The following TNR variants were observed in gnomAD, a reference collection of about 807,000 sequenced individuals.
TNR encodes tenascin R.
In TNR, 45 loss-of-function variants were observed where a neutral mutation model predicts 150.4. That is an observed-to-expected ratio of 0.30 (90% CI 0.24 to 0.38). TNR has a LOEUF of 0.38. Among genes scored for constraint, TNR ranks in the 10% least tolerant of loss-of-function variants. The probability of loss-of-function intolerance (pLI) is 1.00; values close to 1 mark genes in which losing one functional copy is unlikely to be tolerated. For missense variants in TNR, 1,544 were observed against 1,759.1 expected, an observed-to-expected ratio of 0.88 and a Z score of 2.19; for synonymous variants, 687 against 678.4, an observed-to-expected ratio of 1.01 and a Z score of -0.20.
rs560304594 is a variant in TNR, at chr1:175,379,726, G to A, written c.1789C>T (p.Pro597Ser). The change falls in exon 9 of 23, where the codon CCC becomes TCC. Residue 597 changes from proline (P) to serine (S), a missense_variant. Transcript: ENST00000367674. Reference protein sequence around the residue: ...TTQFTTEIDAPKNLRVGSRTA... With the variant: ...TTQFTTEIDASKNLRVGSRTA... ...CGAGAACCAACTCGCAAGTTCTTGGGGGCATCGATCTCTAAAAATAGACAG... is the reference window on the plus strand; with the variant it reads ...CGAGAACCAACTCGCAAGTTCTTGGAGGCATCGATCTCTAAAAATAGACAG... 1 of 1,614,090 alleles carries A rather than the reference G, an allele frequency of 6.2e-7. No individual in the cohort carries two copies. The highest frequency in any genetic ancestry group is 1.3e-5 in the African/African-American group (1 of 75,018).
At chr1:175,379,179 CAA>C (rs148710947) in intron 9 of TNR, among the ~76,000 whole-genome samples, 7,808 of 113,506 alleles carry the variant, frequency 0.069, 164 homozygotes, top group South Asian at 0.096. Context: ...AACTCCGTCT[CAA>C]AAAAAAAAAA....
intron 1 of TNR, among the ~76,000 whole-genome samples, chr1:175,677,057 A>G (rs1665886103): frequency 6.6e-6 from 1 of 152,208 alleles, no homozygotes; most frequent in Non-Finnish European, 1.5e-5. Context: ...AGTGTATGCA[A>G]TCCCAGGGGA....
chr1:175,483,704 C>T lies in TNR; in HGVS notation c.-64+44565G>A, dbSNP rs1336680739. On this transcript the variant is annotated intron_variant, in intron 2 of 22. Transcript: ENST00000367674. ...GGTTAGAGATGAGTTATCAGGATGT[C>T]GGGCCTTGAAGGGCTCAAAACCAAA... Among the ~76,000 whole-genome samples, 8 of 152,156 alleles carry T rather than the reference C, an allele frequency of 5.3e-5. No homozygotes were observed. In the East Asian group the frequency reaches 5.8e-4, roughly 11 times the overall value.
chr1:175,397,017 C>T (rs539551026), intron 4 of TNR, among the ~76,000 whole-genome samples: 4 of 152,318 alleles, frequency 2.6e-5, no homozygotes, highest in African/African-American at 9.6e-5. Context: ...CATGAACATG[C>T]ACTGGAGCCA....
chr1:175,645,931 G>C (rs1388674738), intron 1 of TNR, among the ~76,000 whole-genome samples: 1 of 150,608 alleles, frequency 6.6e-6, no homozygotes, highest in Admixed American at 6.6e-5. Flanking sequence ...GACAAAGCCG[G>C]TATTTTTTAC....
At chr1:175,427,184 A>C (rs895423959) in intron 2 of TNR, among the ~76,000 whole-genome samples, 6 of 151,544 alleles carry the variant, frequency 4.0e-5, no homozygotes, top group African/African-American at 9.7e-5. Flanking sequence ...TTCATGACCC[A>C]CCAAGACATA....
At chr1:175,734,918 A>G (rs1183392888) in intron 1 of TNR, among the ~76,000 whole-genome samples, 1 of 152,240 alleles carries the variant, frequency 6.6e-6, no homozygotes, top group Non-Finnish European at 1.5e-5. Flanking sequence ...GAAGCCCTGT[A>G]TTGATCTGCA....
intron 1 of TNR, among the ~76,000 whole-genome samples, chr1:175,531,628 A>T (rs1660070814): frequency 6.6e-6 from 1 of 152,220 alleles, no homozygotes; most frequent in Non-Finnish European, 1.5e-5. Flanking sequence ...ACTCTCCAGC[A>T]GCTTCAGTAA....
At chr1:175,658,607 T>C (rs1571723253) in intron 1 of TNR, among the ~76,000 whole-genome samples, 1 of 152,190 alleles carries the variant, frequency 6.6e-6, no homozygotes, top group Non-Finnish European at 1.5e-5. Flanking sequence ...GGCTAGAACA[T>C]TTTCAGAGCT....
intron 2 of TNR, among the ~76,000 whole-genome samples, chr1:175,408,923 G>A (rs1290900063): frequency 6.6e-6 from 1 of 152,166 alleles, no homozygotes; most frequent in Non-Finnish European, 1.5e-5. Context: ...CCAAAGATGG[G>A]TGAGATCCTT....
chr1:175,547,763 T>C (rs1660770804), intron 1 of TNR, among the ~76,000 whole-genome samples: 1 of 152,106 alleles, frequency 6.6e-6, no homozygotes. Context: ...CACCAAAGTG[T>C]GACAGTGCAG....
intron 2 of TNR, among the ~76,000 whole-genome samples, chr1:175,438,821 T>C (rs1422677992): frequency 6.6e-6 from 1 of 152,152 alleles, no homozygotes; most frequent in Non-Finnish European, 1.5e-5. Flanking sequence ...TTACAAGGGA[T>C]GTGAAGGACT....
chr1:175,389,736 G>T (rs1430881365), intron 7 of TNR, among the ~76,000 whole-genome samples: 1 of 152,146 alleles, frequency 6.6e-6, no homozygotes, highest in Non-Finnish European at 1.5e-5. Flanking sequence ...TATATGATGG[G>T]TGAGCAAGGG....
At chr1:175,481,589 G>A (rs183830125) in intron 2 of TNR, among the ~76,000 whole-genome samples, 9 of 152,184 alleles carry the variant, frequency 5.9e-5, no homozygotes, top group African/African-American at 1.4e-4. Context: ...ACACAGCCTC[G>A]GCAGAATAAT....
chr1:175,675,460 C>A (rs114197392), intron 1 of TNR, among the ~76,000 whole-genome samples: 208 of 152,308 alleles, frequency 1.4e-3, no homozygotes, highest in African/African-American at 4.8e-3. Flanking sequence ...CACACACAAT[C>A]GCATTGTGTG....
In TNR at chr1:175,503,468, G is replaced by A. The variant is rs115072265; in HGVS notation, c.-64+24801C>T. Among the ~76,000 whole-genome samples, 930 of 152,284 alleles carry A rather than the reference G, an allele frequency of 6.1e-3. 12 individuals are homozygous for A. The highest frequency in any genetic ancestry group is 0.021 in the African/African-American group (875 of 41,552). ...TAAACAGAAAAAGAGCTGTACAGAT[G>A]AAAGGTATTATGTCTTCGTCTATGG... On this transcript the variant is annotated intron_variant, in intron 2 of 22. Transcript: ENST00000367674.
chr1:175,540,890 T>C (rs1289171564), intron 1 of TNR, among the ~76,000 whole-genome samples: 1 of 152,166 alleles, frequency 6.6e-6, no homozygotes, highest in Non-Finnish European at 1.5e-5. Context: ...CTTAAACCTC[T>C]CAAGGTTTAA....
chr1:175,330,246 G>C lies in TNR; in HGVS notation c.3632-11C>G, dbSNP rs1002022614. 3 of 1,526,426 alleles carry C rather than the reference G, an allele frequency of 2.0e-6. No individual in the cohort carries two copies. The highest frequency in any genetic ancestry group is 3.8e-5 in the Admixed American group (2 of 52,880). The allele number at this position is 1,526,426 out of a possible 1,614,324, so 94.6% of individuals were successfully genotyped here. A position where few individuals can be genotyped will look rare whatever the true frequency, so the allele number is the denominator to read the frequency against. ...GTATATTGTCCAGCCCTGTGGAGAA[G>C]AGCAGAAAATGCACTGAGACTGGCC... On this transcript the variant is annotated splice_polypyrimidine_tract_variant and intron_variant, in intron 20 of 22. Coordinates refer to ENST00000367674, the MANE Select transcript of TNR (RefSeq NM_003285.3).
intron 2 of TNR, among the ~76,000 whole-genome samples, chr1:175,465,968 C>A (rs540254472): frequency 6.6e-6 from 1 of 152,148 alleles, no homozygotes; most frequent in Non-Finnish European, 1.5e-5. Flanking sequence ...ATCTGTTTTA[C>A]CCACTTGGAC....
Sources: allele counts gnomAD v4.1 joint callset (sites outside exome capture counted in the v4.1 genomes callset), GRCh38; gene constraint gnomAD v4.1.1; transcripts MANE v1.5; gene names NCBI Gene and HGNC (gene_info 2026-07-23, HGNC 2026-07-21).